The following ANO10 variants were observed in gnomAD, a reference collection of about 807,000 sequenced individuals.
The protein encoded by ANO10 is anoctamin 10, also known as anoctamin-10.
A neutral mutation model predicts 74.7 loss-of-function variants in ANO10; 77 were observed. The observed-to-expected ratio is 1.03, with a 90% CI of 0.86 to 1.25. The LOEUF is 1.25. Ranked by LOEUF, ANO10 falls within the 50% of genes most tolerant of loss-of-function variation. ANO10 has a pLI of 0.00. For synonymous variants in ANO10, 279 were observed against 284.9 expected (o/e 0.98, Z 0.21); for missense variants, 721 against 778.1 (o/e 0.93, Z 0.87).
chr3:43,467,066 G>C (rs1034585864), intron 11 of ANO10, among the ~76,000 whole-genome samples: 5 of 152,026 alleles, frequency 3.3e-5, no homozygotes, highest in African/African-American at 1.2e-4. Flanking sequence ...TATCAGAATG[G>C]CTAAAAAAAC....
At chr3:43,571,862 TA>T (rs35839099) in intron 7 of ANO10, among the ~76,000 whole-genome samples, 62,201 of 118,304 alleles carry the variant, frequency 0.53, 14,272 homozygotes, top group East Asian at 0.79. Flanking sequence ...TTTCCTACAT[TA>T]AAAAAAAAAA....
At chr3:43,537,591 G>A (rs1419413921) in intron 11 of ANO10, among the ~76,000 whole-genome samples, 4 of 148,216 alleles carry the variant, frequency 2.7e-5, no homozygotes, top group African/African-American at 1.0e-4. Context: ...CTCAGGCTCA[G>A]AGCAGGCATA....
At chr3:43,554,300 T>G (rs2079630044) in intron 10 of ANO10, among the ~76,000 whole-genome samples, 1 of 151,968 alleles carries the variant, frequency 6.6e-6, no homozygotes, top group South Asian at 2.1e-4. Context: ...TTCAAGTGAT[T>G]CTTCTGCCTC....
chr3:43,595,194 G>A (rs536206484), intron 4 of ANO10, among the ~76,000 whole-genome samples: 1 of 152,310 alleles, frequency 6.6e-6, no homozygotes, highest in South Asian at 2.1e-4. Flanking sequence ...ACAAAGAGGA[G>A]CTGGCACCAT....
chr3:43,623,556 A>G (rs925047265), upstream of ANO10, among the ~76,000 whole-genome samples: 4 of 152,356 alleles, frequency 2.6e-5, no homozygotes, highest in South Asian at 2.1e-4. Context: ...TAAAAAATGA[A>G]TGAACACTTT....
At chr3:43,476,000 T>G (rs530533155) in intron 11 of ANO10, among the ~76,000 whole-genome samples, 63 of 152,302 alleles carry the variant, frequency 4.1e-4, no homozygotes, top group African/African-American at 1.4e-3. Flanking sequence ...ATTTTTCAGT[T>G]ATTGTGGCTT....
intron 10 of ANO10, 90 bp downstream of exon 10, chr3:43,555,188 C>T: frequency 2.2e-6 from 3 of 1,335,272 alleles, no homozygotes; most frequent in South Asian, 2.4e-5. Flanking sequence ...CTAAATCTCT[C>T]TGTAGGGCTT....
chr3:43,376,132 G>C (rs143855468), intron 12 of ANO10, among the ~76,000 whole-genome samples: 1 of 152,308 alleles, frequency 6.6e-6, no homozygotes, highest in East Asian at 1.9e-4. Flanking sequence ...GCAAGAACCA[G>C]AAACCTCGAT....
intron 11 of ANO10, among the ~76,000 whole-genome samples, chr3:43,511,940 C>G (rs911978912): frequency 6.6e-6 from 1 of 152,188 alleles, no homozygotes; most frequent in Non-Finnish European, 1.5e-5. Context: ...ACAATGAGGT[C>G]CATGGTACAA....
intron 4 of ANO10, among the ~76,000 whole-genome samples, chr3:43,589,647 C>T (rs975682514): frequency 6.6e-6 from 1 of 152,108 alleles, no homozygotes. Context: ...TTAATTGAAG[C>T]AATCACTATA....
chr3:43,450,979 C>T (rs113212774), intron 11 of ANO10, among the ~76,000 whole-genome samples: 96 of 152,218 alleles, frequency 6.3e-4, no homozygotes, highest in African/African-American at 2.2e-3. Context: ...GCACTGATAC[C>T]TTACATAGTC....
intron 1 of ANO10, among the ~76,000 whole-genome samples, chr3:43,649,801 G>A (rs1459596816): frequency 3.3e-5 from 5 of 152,190 alleles, no homozygotes; most frequent in Non-Finnish European, 7.3e-5. Flanking sequence ...CTTGCAGGAC[G>A]TGCGACAGGG....
intron 11 of ANO10, among the ~76,000 whole-genome samples, chr3:43,540,351 T>C (rs1559669678): frequency 1.3e-5 from 2 of 152,206 alleles, no homozygotes. Flanking sequence ...GATGCCCAGG[T>C]TTGTTTTCTT....
At chr3:43,546,528 A>G (rs1179095501) in intron 11 of ANO10, among the ~76,000 whole-genome samples, 1 of 152,242 alleles carries the variant, frequency 6.6e-6, no homozygotes, top group Non-Finnish European at 1.5e-5. Flanking sequence ...ATTAGAGAAA[A>G]GACAATCTTT....
At chr3:43,690,886 A>G in intron 1 of ANO10, 1 of 1,276,578 alleles carries the variant, frequency 7.8e-7, no homozygotes, top group Non-Finnish European at 1.0e-6. Context: ...CGGAAGACGC[A>G]TGCGCTGGCG....
chr3:43,455,771 C>G (rs551875879), intron 11 of ANO10, among the ~76,000 whole-genome samples: 1 of 151,914 alleles, frequency 6.6e-6, no homozygotes, highest in East Asian at 1.9e-4. Flanking sequence ...CACCATCAGT[C>G]AAACAAACAT....
chr3:43,482,481 C>T (rs1033483008), intron 11 of ANO10, among the ~76,000 whole-genome samples: 6 of 152,086 alleles, frequency 3.9e-5, no homozygotes, highest in African/African-American at 1.2e-4. Context: ...CAGTGTGACA[C>T]CTGCTATGTG....
intron 11 of ANO10, among the ~76,000 whole-genome samples, chr3:43,524,911 G>A (rs1429682326): frequency 6.6e-6 from 1 of 152,072 alleles, no homozygotes; most frequent in Non-Finnish European, 1.5e-5. Context: ...TGCCTGTCCT[G>A]TTCCAATCTA....
At chr3:43,655,128 T>C (rs1322913163) in intron 1 of ANO10, among the ~76,000 whole-genome samples, 1 of 152,224 alleles carries the variant, frequency 6.6e-6, no homozygotes, top group African/African-American at 2.4e-5. Flanking sequence ...GAAATTTCTT[T>C]TAATGTCACA....
Sources: gnomAD v4.1 joint callset for allele counts (sites outside exome capture counted in the v4.1 genomes callset) on GRCh38, gnomAD v4.1.1 for gene constraint, MANE v1.5 for transcripts, NCBI Gene and HGNC (gene_info 2026-07-23, HGNC 2026-07-21) for gene names.